The following RIN3 variants were observed in gnomAD, a reference collection of about 807,000 sequenced individuals.
RIN3 encodes RAB5 interacting protein 3.
Under a neutral mutation model 76.3 loss-of-function variants are expected in RIN3, and 54 were observed. That is an observed-to-expected ratio of 0.71 (90% CI 0.57 to 0.89). RIN3 has a LOEUF of 0.89. Ranked by LOEUF, RIN3 falls within the 40% of genes least tolerant of loss-of-function variation. The pLI is 0.00. For missense variants in RIN3, 1,256 were observed against 1,322.1 expected (o/e 0.95, Z 0.78); for synonymous variants, 576 against 564.0 (o/e 1.02, Z -0.30).
intron 1 of RIN3, among the ~76,000 whole-genome samples, chr14:92,544,428 G>GGT (rs1897204404): frequency 1.1e-5 from 1 of 94,270 alleles, no homozygotes; most frequent in Non-Finnish European, 2.2e-5. Flanking sequence ...GGGGGGGGGG[G>GGT]GGTGGGGGCG....
At chr14:92,624,009 G>A (rs748685795) in intron 4 of RIN3, among the ~76,000 whole-genome samples, 6 of 152,212 alleles carry the variant, frequency 3.9e-5, no homozygotes, top group Non-Finnish European at 8.8e-5. Context: ...CCCATGCCCG[G>A]TTGGTCAGAA....
chr14:92,560,105 G>A lies in RIN3; in HGVS notation c.249+4150G>A, dbSNP rs1200546783. Among the ~76,000 whole-genome samples the A allele has an allele frequency of 2.6e-5, 4 of 152,298 alleles. No homozygotes were observed. The Middle Eastern group carries it at 0.01, about 389-fold the overall frequency. ...CAAGGTGAGCACAAGTTAAAGCAAG[G>A]CCTTAGGCCTTAATCCCAGCTTCAG... On this transcript the variant is annotated intron_variant, in intron 2 of 9. Coordinates refer to ENST00000216487, the MANE Select transcript of RIN3 (RefSeq NM_024832.5).
At chr14:92,561,770 C>T (rs1897783878) in intron 2 of RIN3, among the ~76,000 whole-genome samples, 1 of 152,180 alleles carries the variant, frequency 6.6e-6, no homozygotes, top group Non-Finnish European at 1.5e-5. Flanking sequence ...CTGCAGCCTA[C>T]CTCCTAGGCT....
intron 1 of RIN3, among the ~76,000 whole-genome samples, chr14:92,535,888 G>A (rs1380789878): frequency 6.7e-6 from 1 of 149,870 alleles, no homozygotes; most frequent in Non-Finnish European, 1.5e-5. Flanking sequence ...TCACCATGTT[G>A]GTCAGGCTGG....
intron 3 of RIN3, among the ~76,000 whole-genome samples, chr14:92,593,840 A>C (rs1394613582): frequency 6.6e-6 from 1 of 152,224 alleles, no homozygotes; most frequent in Non-Finnish European, 1.5e-5. Context: ...GCCTAACAAC[A>C]GAACATCAAA....
chr14:92,513,804 C>A lies in RIN3; in HGVS notation c.-129C>A. The A allele has an allele frequency of 4.0e-6, 2 of 494,508 alleles. No homozygotes were observed. The highest frequency in any genetic ancestry group is 3.7e-5 in the East Asian group (1 of 26,836). The allele number at this position is 494,508 out of a possible 1,614,324, so 30.6% of individuals were successfully genotyped here. A position where few individuals can be genotyped will look rare whatever the true frequency, so the allele number is the denominator to read the frequency against. ...GTAGAAGGGAGCGAGAGCCCCAGAGCGCGGCGGCAGCGGCGGCCTGGCCCT... is the reference window on the plus strand; with the variant it reads ...GTAGAAGGGAGCGAGAGCCCCAGAGAGCGGCGGCAGCGGCGGCCTGGCCCT... On this transcript the variant is annotated 5_prime_UTR_variant, in exon 1 of 10. Transcript: ENST00000216487.
chr14:92,527,630 C>T (rs1896776299), intron 1 of RIN3, among the ~76,000 whole-genome samples: 1 of 151,918 alleles, frequency 6.6e-6, no homozygotes, highest in Non-Finnish European at 1.5e-5. Flanking sequence ...CAGAAAATTC[C>T]ATCACCCTCC....
intron 4 of RIN3, among the ~76,000 whole-genome samples, chr14:92,634,960 A>T (rs888094886): frequency 6.6e-6 from 1 of 151,742 alleles, no homozygotes; most frequent in African/African-American, 2.4e-5. Context: ...TCCCTAGAGG[A>T]TTCTGATCCA....
At chr14:92,545,751 A>AT (rs1214145603) in intron 1 of RIN3, among the ~76,000 whole-genome samples, 1 of 150,648 alleles carries the variant, frequency 6.6e-6, no homozygotes, top group Admixed American at 6.6e-5. Flanking sequence ...CTAGCTTCTA[A>AT]TTTTTTCTAA....
rs1204081734 is a variant in RIN3, at chr14:92,569,368, G to A, written c.250-7992G>A. ...TCTCCATACATCTTACAACCAGAGAGGCAGGGCCTTGGTTTCATTTTTTGT... is the reference window on the plus strand; with the variant it reads ...TCTCCATACATCTTACAACCAGAGAAGCAGGGCCTTGGTTTCATTTTTTGT... On this transcript the variant is annotated intron_variant, in intron 2 of 9. Coordinates refer to ENST00000216487, the MANE Select transcript of RIN3 (RefSeq NM_024832.5). Among the ~76,000 whole-genome samples the A allele has an allele frequency of 1.3e-5, 2 of 152,148 alleles. 1 individual carries two copies. Among genetic ancestry groups the A allele is most frequent in the South Asian group, 4.1e-4 (2 of 4,826 alleles).
In RIN3 at chr14:92,577,441, G is replaced by A. The variant is rs2274542; in HGVS notation, c.331G>A (p.Glu111Lys). ...TCCTTCTCTGAACGAAAGCTCGGCCGAGGTGCTCGAATACACCATTAAGGA... is the reference window on the plus strand; with the variant it reads ...TCCTTCTCTGAACGAAAGCTCGGCCAAGGTGCTCGAATACACCATTAAGGA... ...HFPSLNESSAEVLEYTIKEEK... is the reference protein window; with the variant it reads ...HFPSLNESSAKVLEYTIKEEK... Residue 111 changes from glutamate to lysine, a missense_variant, in exon 3 of 10, where the codon GAG (glutamate) becomes AAG (lysine). Glu to Lys is a moderately conservative substitution (Grantham distance 56). Transcript: ENST00000216487. The A allele has an allele frequency of 5.2e-3, 8,456 of 1,613,474 alleles. 222 individuals are homozygous for A. The East Asian group carries it at 0.084, about 16-fold the overall frequency.
intron 4 of RIN3, among the ~76,000 whole-genome samples, chr14:92,626,537 A>T (rs1286407326): frequency 6.6e-6 from 1 of 152,174 alleles, no homozygotes; most frequent in Non-Finnish European, 1.5e-5. Flanking sequence ...CTGATTCCTT[A>T]GAGGCAGAGG....
At chr14:92,661,925 G>A (rs1042206451) in intron 7 of RIN3, among the ~76,000 whole-genome samples, 12 of 152,208 alleles carry the variant, frequency 7.9e-5, no homozygotes, top group African/African-American at 2.4e-4. Flanking sequence ...CTCGGAGGTC[G>A]GGTGTCTTGT....
intron 5 of RIN3, 64 bp from the exon 6 acceptor site, chr14:92,651,518 C>A: frequency 8.1e-7 from 1 of 1,240,244 alleles, no homozygotes; most frequent in Middle Eastern, 2.7e-4. Flanking sequence ...ACAGACCCCG[C>A]CCAGCACAGC....
chr14:92,658,347 G>A (rs576417487), intron 6 of RIN3, among the ~76,000 whole-genome samples: 1 of 152,362 alleles, frequency 6.6e-6, no homozygotes, highest in African/African-American at 2.4e-5. Context: ...CAAAGGCCCC[G>A]GGGCAGGAGC....
chr14:92,626,077 T>C (rs1335081495), intron 4 of RIN3, among the ~76,000 whole-genome samples: 1 of 152,200 alleles, frequency 6.6e-6, no homozygotes, highest in African/African-American at 2.4e-5. Flanking sequence ...CCTTCATCTT[T>C]TTCCTGTTGT....
In RIN3 at chr14:92,524,269, G is replaced by A. The variant is rs188636068; in HGVS notation, c.44+10293G>A. Among the ~76,000 whole-genome samples the A allele has an allele frequency of 4.6e-5, 7 of 152,276 alleles. No individual in the cohort carries two copies. In the East Asian group the frequency reaches 7.7e-4, roughly 17 times the overall value. On this transcript the variant is annotated intron_variant, in intron 1 of 9. Transcript: ENST00000216487. ...GCCTGTGTTCTTGCCGGATGCTGCC[G>A]TCACTCATTCATTCACTGTCTCTTC...
At chr14:92,520,134 T>C (rs1366142151) in intron 1 of RIN3, among the ~76,000 whole-genome samples, 1 of 152,224 alleles carries the variant, frequency 6.6e-6, no homozygotes, top group Non-Finnish European at 1.5e-5. Flanking sequence ...AACCAGTACA[T>C]GTTTAATGGA....
intron 2 of RIN3, among the ~76,000 whole-genome samples, chr14:92,560,359 G>C (rs1897728830): frequency 6.6e-6 from 1 of 152,112 alleles, no homozygotes; most frequent in Admixed American, 6.5e-5. Context: ...TGGAGGAGCT[G>C]TGTCATCTGT....
Sources: gnomAD v4.1 joint callset for allele counts (sites outside exome capture counted in the v4.1 genomes callset) on GRCh38, gnomAD v4.1.1 for gene constraint, MANE v1.5 for transcripts, NCBI Gene and HGNC (gene_info 2026-07-23, HGNC 2026-07-21) for gene names.